RFX3: variants seen among roughly 807,000 people sequenced by gnomAD.
The protein encoded by RFX3 is transcription factor RFX3.
RFX3 carries 14 observed loss-of-function variants against 98.6 expected under a neutral mutation model. The ratio of observed to expected loss-of-function variants is 0.14; its 90% confidence interval spans 0.09 to 0.22. The LOEUF is 0.22. RFX3 is among the 10% of genes least tolerant of loss of function. The probability of loss-of-function intolerance (pLI) is 1.00; values close to 1 mark genes in which losing one functional copy is unlikely to be tolerated. For missense variants in RFX3, 639 were observed against 926.9 expected (o/e 0.69, Z 4.03); for synonymous variants, 383 against 328.4 (o/e 1.17, Z -1.80).
At chr9:3,483,189 C>G (rs963744961) in intron 1 of RFX3, among the ~76,000 whole-genome samples, 1 of 152,040 alleles carries the variant, frequency 6.6e-6, no homozygotes, top group Non-Finnish European at 1.5e-5. Context: ...ACACCACTAC[C>G]CGACCCCCAA....
chr9:3,524,944 C>T (rs1017955963), intron 1 of RFX3, among the ~76,000 whole-genome samples: 1 of 150,880 alleles, frequency 6.6e-6, no homozygotes, highest in African/African-American at 2.4e-5. Flanking sequence ...CAAAGAGGGC[C>T]CAACGAACAG....
intron 1 of RFX3, among the ~76,000 whole-genome samples, chr9:3,520,535 A>C (rs1259145567): frequency 6.6e-6 from 1 of 152,218 alleles, no homozygotes; most frequent in Non-Finnish European, 1.5e-5. Context: ...AATAAAATAC[A>C]AAAAGCAATA....
intron 3 of RFX3, among the ~76,000 whole-genome samples, chr9:3,339,997 A>G (rs2131040098): frequency 6.6e-6 from 1 of 152,296 alleles, no homozygotes; most frequent in Non-Finnish European, 1.5e-5. Context: ...ACCTGACTTC[A>G]AACTATACTA....
rs149920189 is a variant in RFX3 at position 3,318,646 on chromosome 9, T to C, written c.474+11613A>G. ...CTAAAGACAAAATCTTTTCTAAGGTTTTATAAATGTTCAAATACATGAAAT... is the reference window on the plus strand; with the variant it reads ...CTAAAGACAAAATCTTTTCTAAGGTCTTATAAATGTTCAAATACATGAAAT... On this transcript the variant is annotated intron_variant, in intron 4 of 16. Coordinates refer to ENST00000617270, the MANE Select transcript of RFX3 (RefSeq NM_001282116.2). 7.5e-3 allele frequency among the ~76,000 whole-genome samples: 1,139 copies of C among 152,156 alleles called. 20 individuals carry two copies. Among genetic ancestry groups the C allele is most frequent in the Admixed American group, 0.028 (426 of 15,288 alleles).
intron 1 of RFX3, among the ~76,000 whole-genome samples, chr9:3,504,854 TATG>T (rs1816635925): frequency 3.6e-5 from 1 of 27,918 alleles, no homozygotes; most frequent in South Asian, 5.8e-4. Context: ...ATATATTATA[TATG>T]ATATAATATA....
At chr9:3,313,338 G>A (rs1226201510) in intron 4 of RFX3, among the ~76,000 whole-genome samples, 1 of 152,184 alleles carries the variant, frequency 6.6e-6, no homozygotes, top group Non-Finnish European at 1.5e-5. Flanking sequence ...AAACAGAAAG[G>A]ACGTCCACAC....
In RFX3 at chr9:3,330,173, G is replaced by C. The variant is rs7028451; in HGVS notation, c.474+86C>G. 1,356 of 1,375,420 alleles carry C rather than the reference G, an allele frequency of 9.9e-4. 12 individuals carry two copies. The African/African-American group carries it at 0.018, about 18-fold the overall frequency. The allele number at this position is 1,375,420 out of a possible 1,614,324, so 85.2% of individuals were successfully genotyped here. A position where few individuals can be genotyped will look rare whatever the true frequency, so the allele number is the denominator to read the frequency against. On this transcript the variant is annotated intron_variant, in intron 4 of 16. Transcript: ENST00000617270. ...ACACATTCTTGCCCCAGTCCCATCTGTGTTGTTCTTTTCCCTCTATCAAAG... is the reference window on the plus strand; with the variant it reads ...ACACATTCTTGCCCCAGTCCCATCTCTGTTGTTCTTTTCCCTCTATCAAAG...
At chr9:3,254,786 T>G (rs896739057) in intron 14 of RFX3, among the ~76,000 whole-genome samples, 1 of 152,204 alleles carries the variant, frequency 6.6e-6, no homozygotes, top group African/African-American at 2.4e-5. Flanking sequence ...GAGAACACTG[T>G]GATAACGCAT....
At chr9:3,249,829 T>C (rs1821148976) in intron 14 of RFX3, among the ~76,000 whole-genome samples, 1 of 152,074 alleles carries the variant, frequency 6.6e-6, no homozygotes, top group South Asian at 2.1e-4. Flanking sequence ...AATGTAACTA[T>C]ACTGTTACCT....
intron 13 of RFX3, among the ~76,000 whole-genome samples, chr9:3,259,121 C>T (rs1822535117): frequency 6.6e-6 from 1 of 151,902 alleles, no homozygotes; most frequent in Non-Finnish European, 1.5e-5. Flanking sequence ...TTTGTTCCAA[C>T]ATTTTAGTAT....
intron 1 of RFX3, among the ~76,000 whole-genome samples, chr9:3,473,998 T>C (rs1463442937): frequency 6.6e-6 from 1 of 152,168 alleles, no homozygotes; most frequent in Non-Finnish European, 1.5e-5. Context: ...AGCCCCACCT[T>C]CCATAGTTTC....
chr9:3,315,297 C>A (rs983572348), intron 4 of RFX3, among the ~76,000 whole-genome samples: 1 of 152,104 alleles, frequency 6.6e-6, no homozygotes, highest in Non-Finnish European at 1.5e-5. Context: ...GAAATGAAGG[C>A]AGAAATAAAG....
chr9:3,520,664 G>C (rs1337177648), intron 1 of RFX3, among the ~76,000 whole-genome samples: 6 of 152,066 alleles, frequency 3.9e-5, no homozygotes, highest in African/African-American at 1.4e-4. Flanking sequence ...ATGAAGTACG[G>C]ATTGCATTCG....
chr9:3,224,628 A>G lies in RFX3; in HGVS notation c.*414T>C, dbSNP rs1163581733. ...CCAAATGGGCATGCCTCCAGTGTAA[A>G]TCAAAAAAATCATTTCTTTTGATAT... is the stretch of plus-strand genomic sequence containing the variant. On this transcript the variant is annotated 3_prime_UTR_variant, in exon 17 of 17. Transcript: ENST00000617270. 1 of 167,592 alleles carries G rather than the reference A, an allele frequency of 6.0e-6. No homozygotes were observed. Among genetic ancestry groups the G allele is most frequent in the African/African-American group, 2.4e-5 (1 of 41,548 alleles). The allele number at this position is 167,592 out of a possible 1,614,324, so 10.4% of individuals were successfully genotyped here. A position where few individuals can be genotyped will look rare whatever the true frequency, so the allele number is the denominator to read the frequency against.
At position 3,508,108 on chromosome 9, in the gene RFX3, T is replaced by C. The variant is rs190350020; in HGVS notation, c.-9+17639A>G. Among the ~76,000 whole-genome samples the C allele has an allele frequency of 7.2e-5, 11 of 152,024 alleles. No individual in the cohort carries two copies. The East Asian group carries it at 1.7e-3, about 24-fold the overall frequency. ...AAAACTCTGAGCTATTTCTAAAAAT[T>C]CAAAAAAACCTTCTTTTTAGAGGAC... On this transcript the variant is annotated intron_variant, in intron 1 of 16. Coordinates refer to ENST00000617270, the MANE Select transcript of RFX3 (RefSeq NM_001282116.2).
At chr9:3,421,078 C>A (rs1360448761) in intron 1 of RFX3, among the ~76,000 whole-genome samples, 1 of 151,528 alleles carries the variant, frequency 6.6e-6, no homozygotes, top group African/African-American at 2.4e-5. Context: ...TCCTGAGGCT[C>A]TGGAGTGACT....
intron 9 of RFX3, 137 bp from the exon 10 acceptor site, chr9:3,271,255 A>T: frequency 1.6e-6 from 1 of 606,094 alleles, no homozygotes; most frequent in South Asian, 2.8e-5. Context: ...ACTACACTAA[A>T]TTTTACCAAA....
chr9:3,258,648 A>G (rs1822449293), intron 13 of RFX3, among the ~76,000 whole-genome samples: 1 of 152,056 alleles, frequency 6.6e-6, no homozygotes, highest in Admixed American at 6.6e-5. Context: ...GTATACTAAA[A>G]TATCATTATA....
At position 3,381,695 on chromosome 9, in the gene RFX3, T is replaced by A. The variant is rs980852700; in HGVS notation, c.117+13777A>T. On this transcript the variant is annotated intron_variant, in intron 2 of 16. Coordinates refer to ENST00000617270, the MANE Select transcript of RFX3 (RefSeq NM_001282116.2). Reference sequence around the variant, plus strand: ...TTCTCTTCTTTAATCATACTATTTATAAATAGCTGAAATTACTACTAATAA... The same window carrying A: ...TTCTCTTCTTTAATCATACTATTTAAAAATAGCTGAAATTACTACTAATAA... 2.0e-5 allele frequency among the ~76,000 whole-genome samples: 3 copies of A among 152,054 alleles called. No individual in the cohort carries two copies. In the East Asian group the frequency reaches 5.8e-4, roughly 29 times the overall value.
Sources: gnomAD v4.1 joint callset for allele counts (sites outside exome capture counted in the v4.1 genomes callset) on GRCh38, gnomAD v4.1.1 for gene constraint, MANE v1.5 for transcripts, NCBI Gene and HGNC (gene_info 2026-07-23, HGNC 2026-07-21) for gene names.